ACOT11: variants seen among roughly 807,000 people sequenced by gnomAD.
ACOT11 encodes acyl-CoA thioesterase 11.
ACOT11 carries 69 observed loss-of-function variants against 77.5 expected under a neutral mutation model. The ratio of observed to expected loss-of-function variants is 0.89; its 90% confidence interval spans 0.73 to 1.09. The LOEUF is 1.09. Ranked by LOEUF, ACOT11 falls within the 50% of genes least tolerant of loss-of-function variation. The pLI is 0.00. For synonymous variants in ACOT11, 279 were observed against 313.0 expected (o/e 0.89, Z 1.15); for missense variants, 766 against 813.7 (o/e 0.94, Z 0.71).
rs1178764529 is a variant in ACOT11, at chr1:54,597,297, G to A, written c.646G>A (p.Glu216Lys). ...SRDCSRMVPA[E>K]KTRVESVELV... ...AGACTGTAGCCGCATGGTGCCGGCT[G>A]AGAAGACCCGTGTGGAGAGTGTGGA... The change falls in exon 7 of 16, where the codon GAG becomes AAG. Residue 216 changes from glutamate to lysine, a missense_variant. Glu to Lys is a moderately conservative substitution (Grantham distance 56). Coordinates refer to ENST00000343744, the MANE Select transcript of ACOT11 (RefSeq NM_147161.4). 1.9e-6 allele frequency: 3 copies of A among 1,613,740 alleles called. No homozygotes were observed. The highest frequency in any genetic ancestry group is 2.5e-6 in the Non-Finnish European group (3 of 1,180,032).
rs1158385125 is a variant in ACOT11, at chr1:54,621,155, T to C, written c.1630-9579T>C. 3.4e-5 allele frequency among the ~76,000 whole-genome samples: 5 copies of C among 146,036 alleles called. No individual in the cohort carries two copies. In the East Asian group the frequency reaches 6.1e-4, roughly 18 times the overall value. ...CATCCTGGGTGACACAGTGAGACACTGTCTCAAAAAAAAAAAAAAACCTGC... is the reference window on the plus strand; with the variant it reads ...CATCCTGGGTGACACAGTGAGACACCGTCTCAAAAAAAAAAAAAAACCTGC... On this transcript the variant is annotated intron_variant, in intron 15 of 16. Coordinates refer to the ACOT11 transcript ENST00000371316.
intron 7 of ACOT11, chr1:54,598,841 A>G (rs1396775893): frequency 9.7e-6 from 1 of 102,590 alleles, no homozygotes; most frequent in African/African-American, 5.0e-5. Flanking sequence ...ACCCTGTCTC[A>G]AAAAAAAAAA....
In ACOT11 at chr1:54,606,800, G is replaced by A. The variant is rs548120769; in HGVS notation, c.1371-334G>A. On this transcript the variant is annotated intron_variant, in intron 13 of 15. Coordinates refer to ENST00000343744, the MANE Select transcript of ACOT11 (RefSeq NM_147161.4). ...CCTGCGCAGACATGTATAGACACAC[G>A]TGGGTCTCTGTGTACACTGATGTCT... Among the ~76,000 whole-genome samples the A allele has an allele frequency of 2.0e-4, 31 of 152,362 alleles. No individual in the cohort carries two copies. The South Asian group carries it at 6.0e-3, about 29-fold the overall frequency.
Position 54,609,503 on chromosome 1 carries a change from A to G in ACOT11, c.*391A>G. 1 of 1,613,234 alleles carries G rather than the reference A, an allele frequency of 6.2e-7. No individual in the cohort carries two copies. The highest frequency in any genetic ancestry group is 8.5e-7 in the Non-Finnish European group (1 of 1,180,038). ...CAGCATGGCCTGCATCTGGAAGGAC[A>G]CAGGTTGCCAGAGCCCCTGGCACAA... On this transcript the variant is annotated 3_prime_UTR_variant, in exon 16 of 16. Transcript: ENST00000343744.
intron 1 of ACOT11, among the ~76,000 whole-genome samples, chr1:54,580,293 T>G (rs1015824029): frequency 2.0e-5 from 3 of 152,260 alleles, no homozygotes; most frequent in South Asian, 2.1e-4. Flanking sequence ...CAGGTAGGTC[T>G]CCTTTGCACC....
At chr1:54,637,174 A>C (rs1358311045) in exon 17 of ACOT11, 1 of 151,986 alleles carries the variant, frequency 6.6e-6, no homozygotes, top group Non-Finnish European at 1.5e-5. Context: ...TTTCTACTTC[A>C]CACCTCTATA....
intron 1 of ACOT11, among the ~76,000 whole-genome samples, chr1:54,556,288 CT>C (rs1221191635): frequency 6.6e-6 from 1 of 152,148 alleles, no homozygotes; most frequent in Non-Finnish European, 1.5e-5. Flanking sequence ...GTTAATGTAG[CT>C]TTGTAGTATA....
At chr1:54,555,705 G>C (rs557273220) in intron 1 of ACOT11, among the ~76,000 whole-genome samples, 7 of 152,078 alleles carry the variant, frequency 4.6e-5, no homozygotes, top group African/African-American at 1.7e-4. Flanking sequence ...TTTGTAGTTT[G>C]GGGGTCGTAC....
chr1:54,559,323 C>T (rs1034452083), intron 1 of ACOT11, among the ~76,000 whole-genome samples: 1 of 152,164 alleles, frequency 6.6e-6, no homozygotes, highest in African/African-American at 2.4e-5. Flanking sequence ...ACCTCAGGGT[C>T]GAGGGAGGCT....
intron 10 of ACOT11, 122 bp downstream of exon 10, chr1:54,602,846 C>A: frequency 9.2e-7 from 1 of 1,089,496 alleles, no homozygotes; most frequent in Non-Finnish European, 1.2e-6. Context: ...GGGCCCTTTA[C>A]ATCCTCTCGT....
intron 1 of ACOT11, among the ~76,000 whole-genome samples, chr1:54,559,593 CTT>C (rs34859193): frequency 1.4e-5 from 2 of 145,786 alleles, no homozygotes; most frequent in Non-Finnish European, 1.5e-5. Flanking sequence ...GAATAGTTTT[CTT>C]TTTTTTTTTT....
At chr1:54,591,187 C>G (rs916106059) in intron 3 of ACOT11, among the ~76,000 whole-genome samples, 5 of 152,190 alleles carry the variant, frequency 3.3e-5, no homozygotes, top group African/African-American at 1.2e-4. Context: ...AAAAAATGAA[C>G]AGGAATCAAC....
At chr1:54,599,970 C>T (rs1324309722) in intron 8 of ACOT11, among the ~76,000 whole-genome samples, 1 of 152,186 alleles carries the variant, frequency 6.6e-6, no homozygotes, top group African/African-American at 2.4e-5. Flanking sequence ...AGTTTGGCTC[C>T]ACCTCTTACT....
At chr1:54,573,740 A>T (rs984381235) in intron 1 of ACOT11, among the ~76,000 whole-genome samples, 3 of 151,706 alleles carry the variant, frequency 2.0e-5, no homozygotes, top group African/African-American at 7.3e-5. Context: ...CAAAAGAAAT[A>T]AAAAAATGTG....
At chr1:54,586,034 G>C in intron 3 of ACOT11, 130 bp downstream of exon 3, 1 of 933,382 alleles carries the variant, frequency 1.1e-6, no homozygotes. Context: ...AAAATGAGGT[G>C]GGGGCAGCCT....
In ACOT11 at chr1:54,596,550, A is replaced by G. The variant is rs925472492; in HGVS notation, c.608-709A>G. Among the ~76,000 whole-genome samples, 5 of 152,176 alleles carry G rather than the reference A, an allele frequency of 3.3e-5. No individual in the cohort carries two copies. In the East Asian group the frequency reaches 7.7e-4, roughly 23 times the overall value. ...GGGAAAAACCATCCTTTTTGAGAGC[A>G]TATTTACTGGAGTCAAGTACTTTGT... On this transcript the variant is annotated intron_variant, in intron 6 of 15. Transcript: ENST00000343744.
At chr1:54,629,681 C>T (rs1396181953) in intron 15 of ACOT11, among the ~76,000 whole-genome samples, 1 of 132,220 alleles carries the variant, frequency 7.6e-6, no homozygotes, top group East Asian at 2.4e-4. Flanking sequence ...ACCTCCTGGG[C>T]TCAAGCTATT....
intron 15 of ACOT11, among the ~76,000 whole-genome samples, chr1:54,616,633 A>G (rs577547656): frequency 6.6e-6 from 1 of 152,292 alleles, no homozygotes; most frequent in East Asian, 1.9e-4. Flanking sequence ...TCAGCCTCCC[A>G]AAGTGCTGGG....
rs114296065 is a variant in ACOT11, at chr1:54,620,246, G to A, written c.1630-10488G>A. ...GGAAAGGGGGCAGGTTCACAGAGAA[G>A]GGAACACTTAAGGAAGACCTTGAAG... is the stretch of plus-strand genomic sequence containing the variant. On this transcript the variant is annotated intron_variant, in intron 15 of 16. Transcript: ENST00000371316. 9.1e-4 allele frequency among the ~76,000 whole-genome samples: 139 copies of A among 152,312 alleles called. 1 individual carries two copies. Among genetic ancestry groups the A allele is most frequent in the Middle Eastern group, 3.4e-3 (1 of 294 alleles).
Sources: allele counts gnomAD v4.1 joint callset (sites outside exome capture counted in the v4.1 genomes callset), GRCh38; gene constraint gnomAD v4.1.1; transcripts MANE v1.5; gene names NCBI Gene and HGNC (gene_info 2026-07-23, HGNC 2026-07-21).